Variants in SYT1 observed in about 807,000 individuals in gnomAD.
SYT1 encodes the protein synaptotagmin 1, also known as synaptotagmin-1.
In SYT1, 8 loss-of-function variants were observed where a neutral mutation model predicts 44.8. The observed-to-expected ratio is 0.18, with a 90% CI of 0.10 to 0.32. The LOEUF is 0.32. Ranked by LOEUF, SYT1 falls within the 10% of genes least tolerant of loss-of-function variation. The pLI is 1.00. For missense variants in SYT1, 286 were observed against 509.3 expected, an observed-to-expected ratio of 0.56 and a Z score of 4.22; for synonymous variants, 154 against 188.8, an observed-to-expected ratio of 0.82 and a Z score of 1.51.
At chr12:79,280,806 A>G (rs1357446046) in intron 4 of SYT1, among the ~76,000 whole-genome samples, 1 of 151,992 alleles carries the variant, frequency 6.6e-6, no homozygotes, top group Non-Finnish European at 1.5e-5. Flanking sequence ...TCAGCAAGAA[A>G]AAAAGATAAT....
At position 79,145,742 on chromosome 12, in the gene SYT1, T is replaced by TG. The variant is rs1220509929; in HGVS notation, c.-17-71761_-17-71760insG. ...CCCAAGATTTAAACATAGTGGTTTT[T>TG]TTTTTTTTTTGTTTGTTTGTTTGTT... On this transcript the variant is annotated intron_variant, in intron 3 of 10. Coordinates refer to ENST00000261205, the MANE Select transcript of SYT1 (RefSeq NM_005639.3). Among the ~76,000 whole-genome samples, 15 of 127,722 alleles carry TG rather than the reference T, an allele frequency of 1.2e-4. 1 individual carries two copies. Among genetic ancestry groups the TG allele is most frequent in the African/African-American group, 3.8e-4 (12 of 31,706 alleles). The allele number at this position is 127,722 out of a possible 152,430, so 83.8% of individuals were successfully genotyped here. A position where few individuals can be genotyped will look rare whatever the true frequency, so the allele number is the denominator to read the frequency against.
intron 9 of SYT1, chr12:79,419,401 C>G: frequency 2.4e-6 from 1 of 419,172 alleles, no homozygotes; most frequent in Admixed American, 2.7e-5. Flanking sequence ...TAGTGGTAAG[C>G]TCACAGTATC....
intron 4 of SYT1, among the ~76,000 whole-genome samples, chr12:79,236,682 T>A (rs563326767): frequency 5.3e-5 from 8 of 152,292 alleles, no homozygotes; most frequent in African/African-American, 1.9e-4. Flanking sequence ...ACATGTTATA[T>A]GCCCTACAAG....
chr12:79,294,020 A>G (rs1331380531), intron 6 of SYT1, among the ~76,000 whole-genome samples: 1 of 152,084 alleles, frequency 6.6e-6, no homozygotes. Context: ...AATATATAAC[A>G]TATTTTCCAA....
chr12:79,202,113 T>A (rs1454058728), intron 3 of SYT1, among the ~76,000 whole-genome samples: 3 of 152,170 alleles, frequency 2.0e-5, no homozygotes, highest in Non-Finnish European at 4.4e-5. Flanking sequence ...TAGTTACAGA[T>A]CATGCTCCAA....
chr12:79,215,239 A>C (rs1874710793), intron 3 of SYT1, among the ~76,000 whole-genome samples: 1 of 152,108 alleles, frequency 6.6e-6, no homozygotes, highest in Non-Finnish European at 1.5e-5. Context: ...CAATTGATCA[A>C]TCAATTGATT....
chr12:79,289,203 C>T (rs549284555), intron 5 of SYT1, among the ~76,000 whole-genome samples: 3 of 152,246 alleles, frequency 2.0e-5, no homozygotes, highest in East Asian at 1.9e-4. Flanking sequence ...CATATGCATG[C>T]GCACTTAATC....
chr12:79,120,838 T>C (rs928691359), intron 3 of SYT1, among the ~76,000 whole-genome samples: 1 of 152,076 alleles, frequency 6.6e-6, no homozygotes, highest in African/African-American at 2.4e-5. Flanking sequence ...AGCAGTTCAG[T>C]GACTTTAATG....
chr12:79,266,394 G>T (rs1341290310), intron 4 of SYT1, among the ~76,000 whole-genome samples: 3 of 144,716 alleles, frequency 2.1e-5, no homozygotes, highest in African/African-American at 7.4e-5. Flanking sequence ...TGGGAGCAAT[G>T]TCTTATTTTG....
intron 9 of SYT1, among the ~76,000 whole-genome samples, chr12:79,354,379 T>C (rs1301831862): frequency 8.5e-5 from 13 of 152,238 alleles, no homozygotes. Flanking sequence ...TCATCATAAA[T>C]TGACTGCAGT....
intron 9 of SYT1, among the ~76,000 whole-genome samples, chr12:79,436,658 G>A (rs1437470032): frequency 6.6e-6 from 1 of 152,112 alleles, no homozygotes; most frequent in Non-Finnish European, 1.5e-5. Context: ...TTTCTATGAA[G>A]TTAGCATAAT....
At chr12:79,281,621 T>C (rs563752984) in intron 4 of SYT1, among the ~76,000 whole-genome samples, 2 of 152,244 alleles carry the variant, frequency 1.3e-5, no homozygotes, top group East Asian at 3.9e-4. Context: ...CAGACGTTAC[T>C]ACTATACAAT....
intron 9 of SYT1, among the ~76,000 whole-genome samples, chr12:79,431,378 G>A (rs1281584763): frequency 1.3e-5 from 2 of 152,054 alleles, no homozygotes; most frequent in African/African-American, 4.8e-5. Flanking sequence ...TCTGAAATAC[G>A]AATGTGTGGT....
intron 4 of SYT1, among the ~76,000 whole-genome samples, chr12:79,236,272 G>T (rs530645304): frequency 3.9e-4 from 60 of 152,230 alleles, no homozygotes; most frequent in Non-Finnish European, 6.9e-4. Flanking sequence ...GGCTTTTCAA[G>T]TTCTTTATTT....
intron 3 of SYT1, among the ~76,000 whole-genome samples, chr12:79,173,561 A>T (rs1267476240): frequency 6.6e-6 from 1 of 152,106 alleles, no homozygotes; most frequent in Non-Finnish European, 1.5e-5. Context: ...AAAAGAGACA[A>T]CATGAATTTC....
chr12:79,055,536 A>G (rs1343035567), intron 3 of SYT1, among the ~76,000 whole-genome samples: 1 of 151,980 alleles, frequency 6.6e-6, no homozygotes, highest in Non-Finnish European at 1.5e-5. Flanking sequence ...CTTGGGTTGC[A>G]TTATTCTCCT....
At chr12:79,327,257 A>G (rs1200452990) in intron 8 of SYT1, among the ~76,000 whole-genome samples, 1 of 152,176 alleles carries the variant, frequency 6.6e-6, no homozygotes, top group Non-Finnish European at 1.5e-5. Context: ...CTCTATTTTA[A>G]TAAAATGAAG....
At chr12:78,996,789 C>T (rs1472522878) in intron 2 of SYT1, among the ~76,000 whole-genome samples, 2 of 152,024 alleles carry the variant, frequency 1.3e-5, no homozygotes, top group African/African-American at 4.8e-5. Context: ...ATAAAGAACA[C>T]AAGTAAACTA....
intron 2 of SYT1, among the ~76,000 whole-genome samples, chr12:79,012,639 A>G (rs1871488900): frequency 6.6e-6 from 1 of 152,150 alleles, no homozygotes; most frequent in South Asian, 2.1e-4. Context: ...TCCTTTCAAA[A>G]AGAGCTGAAG....
Sources: allele counts gnomAD v4.1 joint callset (sites outside exome capture counted in the v4.1 genomes callset), GRCh38; gene constraint gnomAD v4.1.1; transcripts MANE v1.5; gene names NCBI Gene and HGNC (gene_info 2026-07-23, HGNC 2026-07-21).